The following ZCCHC2 variants were observed in gnomAD, a reference collection of about 807,000 sequenced individuals.
ZCCHC2 encodes the protein zinc finger CCHC-type containing 2.
Under a neutral mutation model 103.6 loss-of-function variants are expected in ZCCHC2, and 39 were observed. That is an observed-to-expected ratio of 0.38 (90% CI 0.29 to 0.49). The LOEUF (loss-of-function observed/expected upper bound fraction) is 0.49. Among genes scored for constraint, ZCCHC2 ranks in the 20% least tolerant of loss-of-function variants. The probability of loss-of-function intolerance (pLI) is 0.96; values close to 1 mark genes in which losing one functional copy is unlikely to be tolerated. For missense variants in ZCCHC2, 1,483 were observed against 1,491.0 expected, an observed-to-expected ratio of 0.99 and a Z score of 0.09; for synonymous variants, 687 against 608.9, an observed-to-expected ratio of 1.13 and a Z score of -1.89.
In ZCCHC2 at chr18:62,562,972, G is replaced by A. The variant is rs200309595; in HGVS notation, c.1551-37G>A. The A allele has an allele frequency of 8.8e-4, 1,402 of 1,584,226 alleles. 4 individuals carry two copies. Among genetic ancestry groups the A allele is most frequent in the Middle Eastern group, 3.0e-3 (18 of 5,940 alleles). On this transcript the variant is annotated intron_variant, in intron 8 of 13. Coordinates refer to ENST00000269499, the MANE Select transcript of ZCCHC2 (RefSeq NM_017742.6). ...GAAATGAAATAGGTTATTATTGAGG[G>A]CAGATTTTCACACTTTCATAAACTT...
intron 5 of ZCCHC2, chr18:62,551,174 G>C (rs1487567854): frequency 6.6e-6 from 1 of 152,176 alleles, no homozygotes; most frequent in Non-Finnish European, 1.5e-5. Context: ...TTAAGAATGG[G>C]TAGATTGAGG....
chr18:62,552,565 G>A (rs1210249282), intron 5 of ZCCHC2: 2 of 152,074 alleles, frequency 1.3e-5, no homozygotes, highest in Non-Finnish European at 2.9e-5. Context: ...TTTCTGGAAG[G>A]AGCCATTTTC....
chr18:62,536,604 C>T (rs1013886922), intron 1 of ZCCHC2, among the ~76,000 whole-genome samples: 6 of 152,172 alleles, frequency 3.9e-5, no homozygotes, highest in African/African-American at 1.2e-4. Flanking sequence ...CAGACAGCAT[C>T]GCCGAGCAGC....
chr18:62,574,091 A>G lies in ZCCHC2; in HGVS notation c.2010A>G (p.Pro670=). The G allele has an allele frequency of 6.2e-7, 1 of 1,613,878 alleles. No individual in the cohort carries two copies. Among genetic ancestry groups the G allele is most frequent in the South Asian group, 1.1e-5 (1 of 91,066 alleles). The change falls in exon 13 of 14, where the codon CCA becomes CCG. Residue 670 remains proline (P), a synonymous_variant. Coordinates refer to ENST00000269499, the MANE Select transcript of ZCCHC2 (RefSeq NM_017742.6). ...GCAATTCTGAGGATTCTGGGAATCC[A>G]TCAACAACTAGGTTTACAGGTTACG... ...TDSNSEDSGN[P]STTRFTGYGS...
rs1916848732 is a variant in ZCCHC2, at chr18:62,576,527, G to C, written c.3485G>C (p.Arg1162Thr). 1 of 1,613,588 alleles carries C rather than the reference G, an allele frequency of 6.2e-7. No individual in the cohort carries two copies. The highest frequency in any genetic ancestry group is 1.3e-5 in the African/African-American group (1 of 74,884). ...CCCATTTTAGGCACTTACAGACTGA[G>C]ATACGCACCTCCCCTCCCCCCTTCT... ...EANQQGTYRLRYAPPLPPSND... is the reference protein window; with the variant it reads ...EANQQGTYRLTYAPPLPPSND... The change falls in exon 14 of 14, where the codon AGA (arginine) becomes ACA (threonine). Residue 1162 changes from arginine (R) to threonine (T), a missense_variant. Transcript: ENST00000269499.
Position 62,572,828 on chromosome 18 carries a change from G to A in ZCCHC2, c.1976-1229G>A, listed in dbSNP as rs1945757. On this transcript the variant is annotated intron_variant, in intron 12 of 13. Coordinates refer to ENST00000269499, the MANE Select transcript of ZCCHC2 (RefSeq NM_017742.6). ...ACTTAACATTTTTATCTTTGACTGT[G>A]CACTGGTGTGATGATACAGATAAAA... Among the ~76,000 whole-genome samples the A allele has an allele frequency of 4.6e-5, 7 of 152,026 alleles. No individual in the cohort carries two copies. The South Asian group carries it at 6.2e-4, about 14-fold the overall frequency.
intron 11 of ZCCHC2, among the ~76,000 whole-genome samples, chr18:62,566,751 A>C (rs531952639): frequency 2.6e-5 from 4 of 152,254 alleles, no homozygotes; most frequent in African/African-American, 9.6e-5. Context: ...TAAGCATGTG[A>C]CCTCTCTGAT....
intron 5 of ZCCHC2, chr18:62,552,213 A>T (rs1568548180): frequency 6.6e-6 from 1 of 152,202 alleles, no homozygotes; most frequent in Non-Finnish European, 1.5e-5. Flanking sequence ...GCTGGGGAGG[A>T]AAGGGGCTTC....
intron 8 of ZCCHC2, among the ~76,000 whole-genome samples, chr18:62,562,168 T>C (rs1034941199): frequency 6.6e-6 from 1 of 151,956 alleles, no homozygotes; most frequent in Non-Finnish European, 1.5e-5. Context: ...GGCTAATTTT[T>C]TTTTTGTATT....
intron 1 of ZCCHC2, among the ~76,000 whole-genome samples, chr18:62,529,117 G>A (rs1416967191): frequency 1.5e-5 from 2 of 129,944 alleles, no homozygotes; most frequent in Non-Finnish European, 3.1e-5. Context: ...CCGAGATCAC[G>A]CCACTGCACT....
In ZCCHC2 at chr18:62,562,989, C is replaced by T. The variant is rs532991402; in HGVS notation, c.1551-20C>T. 5 of 1,597,160 alleles carry T rather than the reference C, an allele frequency of 3.1e-6. No individual in the cohort carries two copies. The African/African-American group carries it at 5.3e-5, about 17-fold the overall frequency. ...TATTGAGGGCAGATTTTCACACTTT[C>T]ATAAACTTTTCTTTGGTAGCAATAT... On this transcript the variant is annotated intron_variant, in intron 8 of 13. Coordinates refer to ENST00000269499, the MANE Select transcript of ZCCHC2 (RefSeq NM_017742.6).
intron 5 of ZCCHC2, among the ~76,000 whole-genome samples, chr18:62,550,850 C>T (rs1915632891): frequency 6.6e-6 from 1 of 152,204 alleles, no homozygotes; most frequent in South Asian, 2.1e-4. Flanking sequence ...CCCTGCTTTC[C>T]AGCACCTGCT....
At chr18:62,573,988 T>C in intron 12 of ZCCHC2, 69 bp from the exon 13 acceptor site, 2 of 1,446,280 alleles carry the variant, frequency 1.4e-6, no homozygotes, top group Non-Finnish European at 1.9e-6. Flanking sequence ...GTATACTCAA[T>C]GTTTATTTCT....
intron 4 of ZCCHC2, among the ~76,000 whole-genome samples, chr18:62,548,066 C>G (rs1308945902): frequency 6.6e-6 from 1 of 152,122 alleles, no homozygotes; most frequent in African/African-American, 2.4e-5. Context: ...ATCCGTTGGT[C>G]TCAGTGTATT....
At chr18:62,566,171 G>A (rs1412146667) in intron 11 of ZCCHC2, among the ~76,000 whole-genome samples, 1 of 152,180 alleles carries the variant, frequency 6.6e-6, no homozygotes, top group Non-Finnish European at 1.5e-5. Flanking sequence ...CTTGAACCCG[G>A]GAGGCAGAGG....
At chr18:62,534,878 G>A (rs918400558) in intron 1 of ZCCHC2, among the ~76,000 whole-genome samples, 2 of 152,248 alleles carry the variant, frequency 1.3e-5, no homozygotes, top group Non-Finnish European at 2.9e-5. Flanking sequence ...AACTAGTGGT[G>A]TGAAACACAA....
At chr18:62,540,567 C>T (rs945194122) in intron 2 of ZCCHC2, among the ~76,000 whole-genome samples, 6 of 151,894 alleles carry the variant, frequency 4.0e-5, no homozygotes, top group South Asian at 2.1e-4. Context: ...AAGACGATCA[C>T]GGTACTCCTA....
intron 1 of ZCCHC2, among the ~76,000 whole-genome samples, chr18:62,538,596 T>G (rs550761340): frequency 2.0e-5 from 3 of 152,188 alleles, no homozygotes; most frequent in African/African-American, 7.2e-5. Flanking sequence ...GTCTGTACTC[T>G]CCTTATTAAA....
At chr18:62,548,890 A>C (rs1285075942) in intron 4 of ZCCHC2, among the ~76,000 whole-genome samples, 1 of 148,180 alleles carries the variant, frequency 6.7e-6, no homozygotes, top group East Asian at 2.0e-4. Flanking sequence ...ATGCCACTGC[A>C]CTCCAGCCTC....
Sources: allele counts gnomAD v4.1 joint callset (sites outside exome capture counted in the v4.1 genomes callset), GRCh38; gene constraint gnomAD v4.1.1; transcripts MANE v1.5; gene names NCBI Gene and HGNC (gene_info 2026-07-23, HGNC 2026-07-21).